Variants in TARBP1 observed in about 807,000 individuals in gnomAD.
TARBP1 encodes the protein tRNA guanosine 2 -O-methyltransferase TARBP1, also known as tRNA (guanosine(18)-2'-O)-methyltransferase TARBP1.
TARBP1 carries 144 observed loss-of-function variants against 178.6 expected under a neutral mutation model. The observed-to-expected ratio is 0.81, with a 90% CI of 0.70 to 0.93. The LOEUF is 0.93. TARBP1 is among the 40% of genes least tolerant of loss of function. The pLI is 0.00. For synonymous variants in TARBP1, 787 were observed against 781.0 expected, an observed-to-expected ratio of 1.01 and a Z score of -0.13; for missense variants, 2,067 against 2,011.7, an observed-to-expected ratio of 1.03 and a Z score of -0.53.
intron 13 of TARBP1, among the ~76,000 whole-genome samples, chr1:234,435,922 A>T (rs1016908227): frequency 6.6e-6 from 1 of 152,164 alleles, no homozygotes; most frequent in South Asian, 2.1e-4. Flanking sequence ...TCCCCTAGAG[A>T]GTCAGTCATT....
Position 234,410,873 on chromosome 1 carries a change from G to A in TARBP1, c.3706-342C>T, listed in dbSNP as rs1661739050. On this transcript the variant is annotated intron_variant, in intron 22 of 29. Coordinates refer to ENST00000040877, the MANE Select transcript of TARBP1 (RefSeq NM_005646.4). ...GGATCATTTCAGGCCAGGGGTTTGA[G>A]ATCAGCTTGGCCAACATGGTGAAAC... Among the ~76,000 whole-genome samples, 8 of 152,348 alleles carry A rather than the reference G, an allele frequency of 5.3e-5. No individual in the cohort carries two copies. In the South Asian group the frequency reaches 1.7e-3, roughly 32 times the overall value.
intron 2 of TARBP1, 73 bp downstream of exon 2, chr1:234,472,641 C>T: frequency 2.0e-6 from 2 of 1,011,222 alleles, no homozygotes; most frequent in East Asian, 2.6e-5. Context: ...CTTTGTATCG[C>T]TTTTAATGAA....
rs537241622 is a variant in TARBP1 at position 234,418,989 on chromosome 1, G to A, written c.3556-756C>T. On this transcript the variant is annotated intron_variant, in intron 21 of 29. Transcript: ENST00000040877. ...AGATCGAGACCATCCTGGCTAACAC[G>A]GTGAAACCCCGTCTCTACTAAAAAT... is the stretch of plus-strand genomic sequence containing the variant. 1.2e-3 allele frequency among the ~76,000 whole-genome samples: 190 copies of A among 152,160 alleles called. 1 individual carries two copies. The highest frequency in any genetic ancestry group is 5.0e-3 in the South Asian group (24 of 4,824).
chr1:234,448,613 T>A, intron 10 of TARBP1, 34 bp from the exon 11 acceptor site: 1 of 1,555,850 alleles, frequency 6.4e-7, no homozygotes, highest in South Asian at 1.1e-5. Flanking sequence ...TGCAAAGCAT[T>A]AACAAAATCC....
chr1:234,472,851 C>A, intron 1 of TARBP1, 40 bp from the exon 2 acceptor site: 2 of 1,454,774 alleles, frequency 1.4e-6, no homozygotes, highest in Non-Finnish European at 1.9e-6. Context: ...CTTCCTTTTG[C>A]AAATTTCATA....
chr1:234,478,594 C>T lies in TARBP1; in HGVS notation c.510G>A (p.Leu170=). Residue 170 remains leucine (L), a synonymous_variant, in exon 1 of 30, where the codon CTG becomes CTA. Transcript: ENST00000040877. ...LERVAGTAVA[L]ALGGGGDGDE... The stretch of plus-strand genomic sequence containing the variant: ...CCCCGTCCCCGCCCCCGCCCAGCGC[C>T]AGGGCGACGGCGGTCCCCGCCACGC... The T allele has an allele frequency of 7.7e-7, 1 of 1,298,152 alleles. No homozygotes were observed. The highest frequency in any genetic ancestry group is 9.8e-7 in the Non-Finnish European group (1 of 1,025,346). The allele number at this position is 1,298,152 out of a possible 1,614,324, so 80.4% of individuals were successfully genotyped here.
chr1:234,393,985 A>G, intron 26 of TARBP1, 148 bp from the exon 27 acceptor site: 2 of 687,138 alleles, frequency 2.9e-6, no homozygotes, highest in Non-Finnish European at 4.4e-6. Context: ...TAAGTAAAAA[A>G]CTTTAGTTGG....
Position 234,392,708 on chromosome 1 carries a change from A to C in TARBP1, c.4561-156T>G, listed in dbSNP as rs140172487. 3.4e-4 allele frequency: 188 copies of C among 551,724 alleles called. 2 individuals are homozygous for C. The East Asian group carries it at 5.5e-3, about 16-fold the overall frequency. The allele number at this position is 551,724 out of a possible 1,614,324, so 34.2% of individuals were successfully genotyped here. ...AAAAGAACTCTCCCAACATGACATC[A>C]ATTTCTTTTTTTTTTTTTTTGAGGT... On this transcript the variant is annotated intron_variant, in intron 28 of 29. Transcript: ENST00000040877.
At chr1:234,392,348 AAAC>A in intron 29 of TARBP1, 65 bp downstream of exon 29, 1 of 1,566,280 alleles carries the variant, frequency 6.4e-7, no homozygotes, top group Admixed American at 2.0e-5. Flanking sequence ...AAACAAAAAA[AAAC>A]AAGGTAACAT....
intron 23 of TARBP1, chr1:234,406,334 G>A (rs939736669): frequency 1.4e-5 from 7 of 517,642 alleles, no homozygotes; most frequent in Non-Finnish European, 2.1e-5. Flanking sequence ...TAATGCTGCA[G>A]TACATTTCCC....
chr1:234,433,616 G>A, intron 13 of TARBP1, 45 bp from the exon 14 acceptor site: 2 of 1,551,068 alleles, frequency 1.3e-6, no homozygotes, highest in Non-Finnish European at 1.7e-6. Context: ...CAAGGTCCAT[G>A]ATTTTCACAA....
chr1:234,395,148 C>T (rs921714631), intron 26 of TARBP1, among the ~76,000 whole-genome samples: 2 of 152,088 alleles, frequency 1.3e-5, no homozygotes, highest in East Asian at 1.9e-4. Context: ...CGCTTGAACC[C>T]GTGAGGCAGA....
Position 234,391,738 on chromosome 1 carries a change from G to C in TARBP1, c.4705C>G (p.Arg1569Gly), listed in dbSNP as rs529765598. The change falls in exon 30 of 30, where the codon CGT becomes GGT. Residue 1569 changes from arginine to glycine, a missense_variant. Transcript: ENST00000040877. ...ATCAGATTTGCTGGAATTCCCTCACGTTCATTTCTGAGGAAGAAAATGGAA... is the reference window on the plus strand; with the variant it reads ...ATCAGATTTGCTGGAATTCCCTCACCTTCATTTCTGAGGAAGAAAATGGAA... ...EKSLLLLGNE[R>G]EGIPANLIQQ... 1 of 1,612,464 alleles carries C rather than the reference G, an allele frequency of 6.2e-7. No homozygotes were observed. The highest frequency in any genetic ancestry group is 1.7e-5 in the Admixed American group (1 of 59,836).
chr1:234,478,201 G>C lies in TARBP1; in HGVS notation c.903C>G (p.Asp301Glu). ...AVEVSAELGADCTCGPQEGNG... is the reference protein window; with the variant it reads ...AVEVSAELGAECTCGPQEGNG... ...TTCCTTCCTGGGGCCCGCAGGTGCA[G>C]TCGGCCCCCAGCTCCGCCGACACCT... The change falls in exon 1 of 30, where the codon GAC becomes GAG. Residue 301 changes from aspartate to glutamate, a missense_variant. Physicochemically the swap from Asp to Glu is conservative, Grantham distance 45. Coordinates refer to ENST00000040877, the MANE Select transcript of TARBP1 (RefSeq NM_005646.4). 1 of 1,611,864 alleles carries C rather than the reference G, an allele frequency of 6.2e-7. No individual in the cohort carries two copies. Among genetic ancestry groups the C allele is most frequent in the African/African-American group, 1.3e-5 (1 of 75,018 alleles).
At chr1:234,408,924 G>A (rs945361835) in intron 23 of TARBP1, among the ~76,000 whole-genome samples, 1 of 152,120 alleles carries the variant, frequency 6.6e-6, no homozygotes, top group Non-Finnish European at 1.5e-5. Flanking sequence ...AACCTGTTGG[G>A]CGGTTACCAC....
At chr1:234,447,152 G>T (rs556569555) in intron 11 of TARBP1, among the ~76,000 whole-genome samples, 177 bp from the exon 12 acceptor site, 1 of 151,974 alleles carries the variant, frequency 6.6e-6, no homozygotes, top group African/African-American at 2.4e-5. Context: ...GTGCTTTCCC[G>T]TGAGGGTGGC....
rs563221953 is a variant in TARBP1 at position 234,435,137 on chromosome 1, A to G, written c.2233-1566T>C. On this transcript the variant is annotated intron_variant, in intron 13 of 29. Coordinates refer to ENST00000040877, the MANE Select transcript of TARBP1 (RefSeq NM_005646.4). ...GGCGCTAGAAGGGAACATGAAATTG[A>G]GAGACGGTTCTTTCAAAATGAGGGA... 1.1e-3 allele frequency among the ~76,000 whole-genome samples: 162 copies of G among 152,314 alleles called. 2 individuals carry two copies. The highest frequency in any genetic ancestry group is 3.7e-3 in the African/African-American group (154 of 41,578).
chr1:234,466,161 A>C (rs1449795945), intron 4 of TARBP1, among the ~76,000 whole-genome samples: 1 of 152,218 alleles, frequency 6.6e-6, no homozygotes, highest in African/African-American at 2.4e-5. Flanking sequence ...CAGAAATAAT[A>C]GAATGTAGAA....
rs1310639470 is a variant in TARBP1, at chr1:234,444,042, C to T, written c.2134+2761G>A. ...AATTGGAGATGGATGATGGTGATGG[C>T]TGCACAACAGTGTGAACGTACTTTC... is the stretch of plus-strand genomic sequence containing the variant. On this transcript the variant is annotated intron_variant, in intron 12 of 29. Transcript: ENST00000040877. 2.6e-5 allele frequency among the ~76,000 whole-genome samples: 4 copies of T among 152,184 alleles called. No homozygotes were observed. The South Asian group carries it at 8.3e-4, about 32-fold the overall frequency.
Sources: gnomAD v4.1 joint callset for allele counts (sites outside exome capture counted in the v4.1 genomes callset) on GRCh38, gnomAD v4.1.1 for gene constraint, MANE v1.5 for transcripts, NCBI Gene and HGNC (gene_info 2026-07-23, HGNC 2026-07-21) for gene names.